The following CADM2 variants were observed in gnomAD, a reference collection of about 807,000 sequenced individuals.
CADM2 encodes the protein cell adhesion molecule 2.
A neutral mutation model predicts 49.8 loss-of-function variants in CADM2; 12 were observed. That is an observed-to-expected ratio of 0.24 (90% CI 0.15 to 0.39). The LOEUF is 0.39. CADM2 is among the 10% of genes least tolerant of loss of function. The pLI, the probability that CADM2 is intolerant of heterozygous loss-of-function variation, is 1.00. For missense variants in CADM2, 378 were observed against 492.3 expected (o/e 0.77, Z 2.20); for synonymous variants, 214 against 175.4 (o/e 1.22, Z -1.74).
At chr3:85,559,682 A>ACG (rs1296038195) in intron 1 of CADM2, among the ~76,000 whole-genome samples, 2 of 73,482 alleles carry the variant, frequency 2.7e-5, no homozygotes, top group Non-Finnish European at 7.3e-5. Context: ...ACACACACAC[A>ACG]CACACATATA....
At chr3:85,492,832 A>T (rs2039732306) in intron 1 of CADM2, among the ~76,000 whole-genome samples, 1 of 152,142 alleles carries the variant, frequency 6.6e-6, no homozygotes. Flanking sequence ...GCCAAACAAT[A>T]AAGGTGTCAT....
intron 3 of CADM2, among the ~76,000 whole-genome samples, chr3:85,830,858 G>T (rs2074151448): frequency 7.2e-6 from 1 of 138,678 alleles, no homozygotes. Flanking sequence ...TCTATTACAG[G>T]CCCAGGGGGT....
intron 1 of CADM2, among the ~76,000 whole-genome samples, chr3:85,391,658 C>T (rs1012413545): frequency 6.6e-6 from 1 of 152,042 alleles, no homozygotes; most frequent in South Asian, 2.1e-4. Flanking sequence ...GGCCAAAGTG[C>T]CAACCAAGCA....
intron 3 of CADM2, among the ~76,000 whole-genome samples, chr3:85,879,218 T>C (rs567446089): frequency 1.3e-5 from 2 of 152,124 alleles, no homozygotes; most frequent in East Asian, 1.9e-4. Context: ...ATCTATATCA[T>C]GGCATGTAGG....
chr3:86,007,348 T>G (rs1730924279), intron 8 of CADM2, among the ~76,000 whole-genome samples: 1 of 151,856 alleles, frequency 6.6e-6, no homozygotes, highest in African/African-American at 2.4e-5. Flanking sequence ...AAGATGTACT[T>G]GGACAGAGAA....
intron 1 of CADM2, among the ~76,000 whole-genome samples, chr3:85,429,774 T>G (rs1208361825): frequency 6.6e-6 from 1 of 152,156 alleles, no homozygotes; most frequent in Non-Finnish European, 1.5e-5. Flanking sequence ...AGTACATCCA[T>G]TGGTCAAATC....
chr3:85,370,260 A>T lies in CADM2; in HGVS notation c.62-356262A>T, dbSNP rs868658021. Among the ~76,000 whole-genome samples the T allele has an allele frequency of 4.7e-5, 5 of 105,584 alleles. No homozygotes were observed. The South Asian group carries it at 1.7e-3, about 35-fold the overall frequency. The allele number at this position is 105,584 out of a possible 152,430, so 69.3% of individuals were successfully genotyped here. A position where few individuals can be genotyped will look rare whatever the true frequency, so the allele number is the denominator to read the frequency against. ...ATAATAATAATAATAATAATAATAAAATTTTAAAAAATAACTTGGTGTGGT... is the reference window on the plus strand; with the variant it reads ...ATAATAATAATAATAATAATAATAATATTTTAAAAAATAACTTGGTGTGGT... On this transcript the variant is annotated intron_variant, in intron 1 of 9. Coordinates refer to ENST00000383699, the MANE Select transcript of CADM2 (RefSeq NM_001167675.2).
intron 1 of CADM2, among the ~76,000 whole-genome samples, chr3:85,526,004 T>C (rs1559886634): frequency 6.6e-6 from 1 of 152,148 alleles, no homozygotes; most frequent in Non-Finnish European, 1.5e-5. Flanking sequence ...CACTGTATCA[T>C]TATCATTTTT....
Position 86,065,591 on chromosome 3 carries a change from C to G in CADM2, c.971-14C>G, listed in dbSNP as rs1739209966. ...AACACATTAAATAGAACAATATTTTCCTGTCTTTTCCAGATCCTAATGCTT... is the reference window on the plus strand; with the variant it reads ...AACACATTAAATAGAACAATATTTTGCTGTCTTTTCCAGATCCTAATGCTT... On this transcript the variant is annotated splice_polypyrimidine_tract_variant and intron_variant, in intron 8 of 9. Coordinates refer to ENST00000383699, the MANE Select transcript of CADM2 (RefSeq NM_001167675.2). 6.2e-6 allele frequency: 10 copies of G among 1,605,294 alleles called. No individual in the cohort carries two copies. The East Asian group carries it at 2.2e-4, about 36-fold the overall frequency.
intron 1 of CADM2, among the ~76,000 whole-genome samples, chr3:85,208,411 A>G (rs1388948016): frequency 6.6e-6 from 1 of 152,176 alleles, no homozygotes; most frequent in Non-Finnish European, 1.5e-5. Flanking sequence ...CAGCTTTAAT[A>G]TCCATACAGA....
At chr3:85,161,446 T>C (rs1000067776) in intron 1 of CADM2, among the ~76,000 whole-genome samples, 4 of 152,114 alleles carry the variant, frequency 2.6e-5, no homozygotes, top group African/African-American at 9.7e-5. Context: ...GATCCCCACT[T>C]ATGAAGCTCA....
At chr3:85,439,014 T>C (rs2037060767) in intron 1 of CADM2, among the ~76,000 whole-genome samples, 2 of 151,306 alleles carry the variant, frequency 1.3e-5, no homozygotes, top group Non-Finnish European at 3.0e-5. Flanking sequence ...TAAATATGAT[T>C]GCATTTTAAC....
intron 1 of CADM2, among the ~76,000 whole-genome samples, chr3:85,136,439 A>G (rs2039417025): frequency 6.6e-6 from 1 of 151,920 alleles, no homozygotes; most frequent in Non-Finnish European, 1.5e-5. Flanking sequence ...TTTTTGAATA[A>G]TATGTTAGCT....
intron 2 of CADM2, among the ~76,000 whole-genome samples, chr3:85,774,120 T>A (rs1332389353): frequency 2.0e-5 from 3 of 151,858 alleles, no homozygotes; most frequent in East Asian, 1.9e-4. Flanking sequence ...CATTTTTTTT[T>A]AACTAAAGAA....
At chr3:85,107,633 T>C (rs55890094) in intron 1 of CADM2, among the ~76,000 whole-genome samples, 394 of 146,992 alleles carry the variant, frequency 2.7e-3, no homozygotes, top group African/African-American at 9.1e-3. Flanking sequence ...TTCTTTCTTT[T>C]TCTTTCTTTC....
chr3:86,013,471 C>T lies in CADM2; in HGVS notation c.970+51824C>T, dbSNP rs541244161. ...GCACTGCTGGAGTGCCAGATAAATT[C>T]TGGTGAAGAGGTTCTGAGAAAGCGC... On this transcript the variant is annotated intron_variant, in intron 8 of 9. Coordinates refer to ENST00000383699, the MANE Select transcript of CADM2 (RefSeq NM_001167675.2). 3.8e-6 allele frequency: 6 copies of T among 1,597,786 alleles called. No homozygotes were observed. The Admixed American group carries it at 1.0e-4, about 27-fold the overall frequency.
chr3:85,769,137 G>A (rs2069842546), intron 2 of CADM2, among the ~76,000 whole-genome samples: 5 of 44,330 alleles, frequency 1.1e-4, no homozygotes, highest in African/African-American at 2.7e-4. Flanking sequence ...TACATATATA[G>A]TATATATACA....
At chr3:85,280,087 A>T (rs1366938808) in intron 1 of CADM2, among the ~76,000 whole-genome samples, 3 of 151,640 alleles carry the variant, frequency 2.0e-5, no homozygotes, top group African/African-American at 7.2e-5. Flanking sequence ...TTGGTATCAT[A>T]TCATTGCCAA....
chr3:85,563,407 T>TG (rs1327958969), intron 1 of CADM2, among the ~76,000 whole-genome samples: 12 of 99,538 alleles, frequency 1.2e-4, no homozygotes, highest in African/African-American at 2.7e-4. Context: ...TTTTTGTGTG[T>TG]GTGTGGGGGG....
Sources: allele counts gnomAD v4.1 joint callset (sites outside exome capture counted in the v4.1 genomes callset), GRCh38; gene constraint gnomAD v4.1.1; transcripts MANE v1.5; gene names NCBI Gene and HGNC (gene_info 2026-07-23, HGNC 2026-07-21).